The following MTAP variants were observed in gnomAD, a reference collection of about 807,000 sequenced individuals.
MTAP encodes S-methyl-5'-thioadenosine phosphorylase.
In MTAP, 33 loss-of-function variants were observed where a neutral mutation model predicts 33.6. That is an observed-to-expected ratio of 0.98 (90% CI 0.74 to 1.31). The LOEUF (loss-of-function observed/expected upper bound fraction) is 1.31. Ranked by LOEUF, MTAP falls within the 40% of genes most tolerant of loss-of-function variation. The probability of loss-of-function intolerance (pLI) is 0.00; values close to 1 mark genes in which losing one functional copy is unlikely to be tolerated. For synonymous variants in MTAP, 148 were observed against 125.7 expected (o/e 1.18, Z -1.19); for missense variants, 367 against 360.0 (o/e 1.02, Z -0.16).
At chr9:21,882,008 G>T (rs912269861) in intron 1 of MTAP, among the ~76,000 whole-genome samples, 1 of 151,956 alleles carries the variant, frequency 6.6e-6, no homozygotes, top group African/African-American at 2.4e-5. Flanking sequence ...CAATTTACAT[G>T]CAAATGTAGT....
At chr9:21,911,117 T>G (rs201520313) in intron 1 of MTAP, among the ~76,000 whole-genome samples, 1 of 151,986 alleles carries the variant, frequency 6.6e-6, no homozygotes. Flanking sequence ...ACAGGAGCAC[T>G]CAGATTCATA....
exon 2 of MTAP, chr9:21,931,193 C>G: frequency 1.4e-6 from 1 of 732,972 alleles, no homozygotes; most frequent in Non-Finnish European, 2.5e-6. Flanking sequence ...CCTGCCCTGA[C>G]AGCTAGCAAG....
intron 5 of MTAP, among the ~76,000 whole-genome samples, chr9:21,850,790 A>G (rs1166497669): frequency 6.6e-5 from 10 of 152,172 alleles, no homozygotes; most frequent in African/African-American, 2.4e-4. Flanking sequence ...TCATCTAGCC[A>G]TAAAGTGGGT....
At chr9:21,909,302 C>T (rs1475310013) in intron 1 of MTAP, among the ~76,000 whole-genome samples, 2 of 152,038 alleles carry the variant, frequency 1.3e-5, no homozygotes, top group Non-Finnish European at 2.9e-5. Context: ...TATTGTGCCA[C>T]TTCCTTCCTG....
chr9:21,809,703 C>T (rs1824297188), intron 1 of MTAP, among the ~76,000 whole-genome samples: 2 of 151,828 alleles, frequency 1.3e-5, no homozygotes, highest in African/African-American at 4.8e-5. Context: ...GTTCTGAGGG[C>T]ACTTTAGAAC....
chr9:21,864,420 G>A lies in MTAP; in HGVS notation c.*2406G>A, dbSNP rs949410562. 24 of 985,080 alleles carry A rather than the reference G, an allele frequency of 2.4e-5. No individual in the cohort carries two copies. Among genetic ancestry groups the A allele is most frequent in the African/African-American group, 1.1e-4 (6 of 57,138 alleles). 61.0% of individuals were successfully genotyped at this position (985,080 alleles called of 1,614,324 possible). A position where few individuals can be genotyped will look rare whatever the true frequency, so the allele number is the denominator to read the frequency against. On this transcript the variant is annotated 3_prime_UTR_variant, in exon 8 of 8. Coordinates refer to ENST00000644715, the MANE Select transcript of MTAP (RefSeq NM_002451.4). ...GTCAGTTGTGAGCATTTTGGTTTCC[G>A]CAAAGGATGGATGGTGAGCATCATG... is the stretch of plus-strand genomic sequence containing the variant.
At chr9:21,886,932 G>C (rs1447829535) in intron 1 of MTAP, among the ~76,000 whole-genome samples, 1 of 152,094 alleles carries the variant, frequency 6.6e-6, no homozygotes, top group Non-Finnish European at 1.5e-5. Context: ...CTATTTCATA[G>C]TTCCATTTGA....
chr9:21,822,714 A>G (rs1274033803), intron 4 of MTAP, among the ~76,000 whole-genome samples: 1 of 152,118 alleles, frequency 6.6e-6, no homozygotes. Context: ...TGATCTGTCT[A>G]ATGTTGACAG....
At chr9:21,811,557 A>G (rs1347628978) in intron 1 of MTAP, 5 of 359,492 alleles carry the variant, frequency 1.4e-5, no homozygotes, top group Admixed American at 1.3e-4. Flanking sequence ...GTCATAGAAC[A>G]GATTGTGCGT....
intron 1 of MTAP, among the ~76,000 whole-genome samples, chr9:21,887,259 C>G (rs1414465172): frequency 6.6e-6 from 1 of 152,002 alleles, no homozygotes; most frequent in African/African-American, 2.4e-5. Context: ...TATCCTTCCC[C>G]TCTCCCCCCA....
intron 1 of MTAP, among the ~76,000 whole-genome samples, chr9:21,872,129 A>G (rs548660878): frequency 2.6e-5 from 4 of 152,280 alleles, no homozygotes; most frequent in African/African-American, 7.2e-5. Flanking sequence ...CCTGGCCAAC[A>G]TGGCAAAACC....
intron 1 of MTAP, among the ~76,000 whole-genome samples, chr9:21,902,066 C>T (rs1257904102): frequency 5.3e-5 from 8 of 152,152 alleles, no homozygotes; most frequent in Non-Finnish European, 1.5e-5. Flanking sequence ...GAACAGGTGC[C>T]ATCTCCAGCT....
Position 21,900,909 on chromosome 9 carries a change from C to T in MTAP, c.148-30099C>T, listed in dbSNP as rs527375828. Reference sequence around the variant, plus strand: ...GAGACTATTATCCTAAGTAAACTAACGCAAGAACAGAAAACCAAATACCTC... The same window carrying T: ...GAGACTATTATCCTAAGTAAACTAATGCAAGAACAGAAAACCAAATACCTC... On this transcript the variant is annotated intron_variant, in intron 1 of 1. Transcript: ENST00000577563. Among the ~76,000 whole-genome samples, 10 of 152,240 alleles carry T rather than the reference C, an allele frequency of 6.6e-5. No individual in the cohort carries two copies. In the East Asian group the frequency reaches 1.5e-3, roughly 24 times the overall value.
intron 1 of MTAP, among the ~76,000 whole-genome samples, chr9:21,878,027 A>G (rs919044508): frequency 1.3e-5 from 2 of 150,726 alleles, no homozygotes; most frequent in African/African-American, 2.4e-5. Context: ...TACTGCTTCA[A>G]TTTCAGAACT....
chr9:21,884,577 G>A (rs1818077589), intron 1 of MTAP, among the ~76,000 whole-genome samples: 1 of 152,206 alleles, frequency 6.6e-6, no homozygotes, highest in African/African-American at 2.4e-5. Context: ...GCAAGATAAA[G>A]TATTGGCAGA....
chr9:21,866,923 A>G lies in MTAP; in HGVS notation c.*4909A>G, dbSNP rs991180887. On this transcript the variant is annotated 3_prime_UTR_variant, in exon 8 of 8. Coordinates refer to ENST00000644715, the MANE Select transcript of MTAP (RefSeq NM_002451.4). Reference sequence around the variant, plus strand: ...GTTTTAGTGAAGAAGTCTTGTATATATCTTTTGTTAAATGTATTCCTAAAT... The same window carrying G: ...GTTTTAGTGAAGAAGTCTTGTATATGTCTTTTGTTAAATGTATTCCTAAAT... 1 of 152,282 alleles carries G rather than the reference A, an allele frequency of 6.6e-6. No individual in the cohort carries two copies. The highest frequency in any genetic ancestry group is 1.9e-4 in the East Asian group (1 of 5,190). The allele number at this position is 152,282 out of a possible 1,614,324, so 9.4% of individuals were successfully genotyped here.
At chr9:21,936,993 C>G (rs541043073) in exon 8 of MTAP, 1 of 152,194 alleles carries the variant, frequency 6.6e-6, no homozygotes, top group African/African-American at 2.4e-5. Flanking sequence ...AGAGATGACA[C>G]ACACACAAAA....
chr9:21,915,001 T>C (rs967273654), intron 1 of MTAP, among the ~76,000 whole-genome samples: 1 of 12,998 alleles, frequency 7.7e-5, no homozygotes, highest in African/African-American at 3.8e-4. Context: ...TTTGTTTTCT[T>C]TCCTTCCTTC....
chr9:21,917,793 G>A (rs930283110), intron 1 of MTAP, among the ~76,000 whole-genome samples: 1 of 152,218 alleles, frequency 6.6e-6, no homozygotes, highest in African/African-American at 2.4e-5. Flanking sequence ...GTACATGTAT[G>A]TTTATAGCAG....
Sources: allele counts gnomAD v4.1 joint callset (sites outside exome capture counted in the v4.1 genomes callset), GRCh38; gene constraint gnomAD v4.1.1; transcripts MANE v1.5; gene names NCBI Gene and HGNC (gene_info 2026-07-23, HGNC 2026-07-21).